Variants in STT3B observed in about 807,000 individuals in gnomAD.
STT3B encodes the protein STT3 oligosaccharyltransferase complex catalytic subunit B.
A neutral mutation model predicts 96.8 loss-of-function variants in STT3B; 29 were observed. The observed-to-expected ratio is 0.30, with a 90% CI of 0.22 to 0.41. STT3B has a LOEUF of 0.41. Ranked by LOEUF, STT3B falls within the 10% of genes least tolerant of loss-of-function variation. The probability of loss-of-function intolerance (pLI) is 1.00; values close to 1 mark genes in which losing one functional copy is unlikely to be tolerated. For synonymous variants in STT3B, 367 were observed against 360.0 expected, an observed-to-expected ratio of 1.02 and a Z score of -0.22; for missense variants, 640 against 1,022.3, an observed-to-expected ratio of 0.63 and a Z score of 5.10.
At chr3:31,547,917 CTT>C (rs1231778187) in intron 1 of STT3B, among the ~76,000 whole-genome samples, 2 of 152,216 alleles carry the variant, frequency 1.3e-5, no homozygotes, top group East Asian at 3.8e-4. Context: ...GGCAGCATGA[CTT>C]ATTTTCATGT....
intron 1 of STT3B, among the ~76,000 whole-genome samples, chr3:31,567,740 A>G (rs2125447415): frequency 6.6e-6 from 1 of 152,216 alleles, no homozygotes; most frequent in South Asian, 2.1e-4. Flanking sequence ...AGATTTATCT[A>G]TTTATGGGTT....
At chr3:31,621,317 C>CT (rs1396257984) in intron 9 of STT3B, among the ~76,000 whole-genome samples, 1 of 152,106 alleles carries the variant, frequency 6.6e-6, no homozygotes, top group Non-Finnish European at 1.5e-5. Context: ...TTGTTACTGA[C>CT]TGAGAAGAGG....
chr3:31,635,326 G>A (rs1263040431), intron 15 of STT3B, among the ~76,000 whole-genome samples: 1 of 152,086 alleles, frequency 6.6e-6, no homozygotes, highest in African/African-American at 2.4e-5. Flanking sequence ...TGCATTTCCG[G>A]TAATTTGTTT....
At chr3:31,542,958 C>T (rs983408108) in intron 1 of STT3B, among the ~76,000 whole-genome samples, 2 of 149,328 alleles carry the variant, frequency 1.3e-5, no homozygotes, top group Non-Finnish European at 3.0e-5. Flanking sequence ...CCCAGCTGCT[C>T]GAGAGGCTGG....
chr3:31,535,177 A>G (rs1026598272), intron 1 of STT3B, among the ~76,000 whole-genome samples: 4 of 152,160 alleles, frequency 2.6e-5, no homozygotes, highest in African/African-American at 7.2e-5. Context: ...TTGCAGAAAA[A>G]TTCACTACTG....
rs911366877 is a variant in STT3B at position 31,596,730 on chromosome 3, T to C, written c.712-68T>C. On this transcript the variant is annotated intron_variant, in intron 3 of 15. Transcript: ENST00000295770. ...TTGTAGCCTGTGGTTACCAAACATT[T>C]AACTTTTAAAAATTCCGCAAGAACA... The C allele has an allele frequency of 6.3e-6, 8 of 1,278,084 alleles. No individual in the cohort carries two copies. In the African/African-American group the frequency reaches 7.4e-5, roughly 12 times the overall value. The allele number at this position is 1,278,084 out of a possible 1,614,324, so 79.2% of individuals were successfully genotyped here.
intron 14 of STT3B, among the ~76,000 whole-genome samples, chr3:31,631,260 A>G (rs924315609): frequency 1.3e-5 from 2 of 152,210 alleles, no homozygotes; most frequent in African/African-American, 2.4e-5. Flanking sequence ...TACTCTGTAG[A>G]TGACTTAAAA....
At position 31,607,080 on chromosome 3, in the gene STT3B, C is replaced by T. The variant is rs116037203; in HGVS notation, c.877+6621C>T. Among the ~76,000 whole-genome samples the T allele has an allele frequency of 2.1e-3, 324 of 152,246 alleles. 3 individuals carry two copies. The highest frequency in any genetic ancestry group is 7.5e-3 in the African/African-American group (311 of 41,548). ...TTTTGGCCCATTTCTCCCATTTGGG[C>T]TGGGTGTATTTATCGAGTGCCTGTA... On this transcript the variant is annotated intron_variant, in intron 5 of 15. Transcript: ENST00000295770.
intron 1 of STT3B, among the ~76,000 whole-genome samples, chr3:31,536,847 C>G (rs1044374925): frequency 1.1e-4 from 17 of 152,174 alleles, no homozygotes; most frequent in Admixed American, 2.6e-4. Context: ...TTAACTATAC[C>G]TTTTTATCTG....
At chr3:31,608,123 A>G (rs1236285995) in intron 5 of STT3B, among the ~76,000 whole-genome samples, 4 of 152,186 alleles carry the variant, frequency 2.6e-5, no homozygotes, top group Non-Finnish European at 5.9e-5. Context: ...TATTTGCATT[A>G]ATTGTTTTGC....
At chr3:31,634,904 A>G (rs1410310713) in intron 15 of STT3B, among the ~76,000 whole-genome samples, 1 of 152,188 alleles carries the variant, frequency 6.6e-6, no homozygotes, top group Non-Finnish European at 1.5e-5. Flanking sequence ...TTGTGCCTTA[A>G]TAACATCAGT....
At chr3:31,619,861 A>G (rs775102773) in intron 9 of STT3B, 31 bp downstream of exon 9, 29 of 1,587,748 alleles carry the variant, frequency 1.8e-5, no homozygotes, top group Non-Finnish European at 2.4e-5. Flanking sequence ...ATACTTTGAT[A>G]TGGAATAGTT....
intron 13 of STT3B, among the ~76,000 whole-genome samples, chr3:31,627,955 C>T (rs928390201): frequency 3.3e-5 from 5 of 151,790 alleles, no homozygotes; most frequent in Admixed American, 3.3e-4. Context: ...TGTCTACCCC[C>T]TTCACGTGAT....
At chr3:31,544,533 A>T (rs938463427) in intron 1 of STT3B, among the ~76,000 whole-genome samples, 2 of 152,230 alleles carry the variant, frequency 1.3e-5, no homozygotes, top group Non-Finnish European at 2.9e-5. Flanking sequence ...TGAATCCTAA[A>T]ACAGTATGCT....
At chr3:31,559,175 GTGTGTGTGTGTGTGTT>G (rs972722671) in intron 1 of STT3B, among the ~76,000 whole-genome samples, 1 of 148,344 alleles carries the variant, frequency 6.7e-6, no homozygotes, top group East Asian at 2.1e-4. Flanking sequence ...GTGTGTGTGT[GTGTGTGTGTGTGTGTT>G]GTCTCTTTCA....
In STT3B at chr3:31,586,097, C is replaced by T. The variant is rs72856019; in HGVS notation, c.711+6001C>T. ...CAAATACATGACAGTAATATTTACT[C>T]TACTTTTCCATCAGATGGCATGGTC... On this transcript the variant is annotated intron_variant, in intron 3 of 15. Coordinates refer to ENST00000295770, the MANE Select transcript of STT3B (RefSeq NM_178862.3). Among the ~76,000 whole-genome samples the T allele has an allele frequency of 2.6e-3, 399 of 152,184 alleles. 2 individuals carry two copies. The highest frequency in any genetic ancestry group is 9.4e-3 in the African/African-American group (391 of 41,554).
rs151263373 is a variant in STT3B at position 31,625,974 on chromosome 3, T to C, written c.1920T>C (p.Ser640=). Residue 640 remains serine, a synonymous_variant, in exon 13 of 16, where the codon TCT becomes TCC. Transcript: ENST00000295770. ...HIALVGKAMS[S]NETAAYKIMR... ...TGCAGGTGGGAAAAGCTATGTCTTCTAATGAAACAGCAGCCTATAAAATCA... is the reference window on the plus strand; with the variant it reads ...TGCAGGTGGGAAAAGCTATGTCTTCCAATGAAACAGCAGCCTATAAAATCA... The C allele has an allele frequency of 1.9e-6, 3 of 1,608,914 alleles. No individual in the cohort carries two copies. Among genetic ancestry groups the C allele is most frequent in the African/African-American group, 2.7e-5 (2 of 74,792 alleles).
intron 1 of STT3B, among the ~76,000 whole-genome samples, chr3:31,557,467 A>G (rs1697748719): frequency 6.6e-6 from 1 of 152,154 alleles, no homozygotes; most frequent in East Asian, 1.9e-4. Context: ...TTTGGGCAGT[A>G]TGCTCATTTT....
At chr3:31,623,938 A>C (rs1299028301) in intron 11 of STT3B, 77 bp downstream of exon 11, 7 of 1,238,530 alleles carry the variant, frequency 5.7e-6, no homozygotes, top group Non-Finnish European at 7.8e-6. Flanking sequence ...ATAATTAAAA[A>C]ATAGAATGTT....
Sources: gnomAD v4.1 joint callset for allele counts (sites outside exome capture counted in the v4.1 genomes callset) on GRCh38, gnomAD v4.1.1 for gene constraint, MANE v1.5 for transcripts, NCBI Gene and HGNC (gene_info 2026-07-23, HGNC 2026-07-21) for gene names.